The following DIP2A variants were observed in gnomAD, a reference collection of about 807,000 sequenced individuals.
DIP2A encodes DIP2 acetate--CoA ligase A.
In DIP2A, 85 loss-of-function variants were observed where a neutral mutation model predicts 177.4. The observed-to-expected ratio is 0.48, with a 90% CI of 0.40 to 0.57. The LOEUF is 0.57. Among genes scored for constraint, DIP2A ranks in the 20% least tolerant of loss-of-function variants. The pLI is 0.00. For synonymous variants in DIP2A, 886 were observed against 881.8 expected, an observed-to-expected ratio of 1.00 and a Z score of -0.08; for missense variants, 1,791 against 2,100.2, an observed-to-expected ratio of 0.85 and a Z score of 2.88.
chr21:46,538,926 T>A, intron 16 of DIP2A: 1 of 257,190 alleles, frequency 3.9e-6, no homozygotes, highest in Non-Finnish European at 7.5e-6. Flanking sequence ...ATCCCCACCC[T>A]CCTGCCCTTT....
In DIP2A at chr21:46,547,595, T is replaced by A. The variant is rs571641232; in HGVS notation, c.2522+553T>A. ...AGCTCCTTGTCTGGGAGGAAGCTCT[T>A]CCCCTAACTGGTCCACTCAACCAGC... is the stretch of plus-strand genomic sequence containing the variant. On this transcript the variant is annotated intron_variant, in intron 21 of 37. Transcript: ENST00000417564. Among the ~76,000 whole-genome samples the A allele has an allele frequency of 4.4e-4, 66 of 151,288 alleles. No homozygotes were observed. The East Asian group carries it at 0.012, about 28-fold the overall frequency.
At position 46,545,956 on chromosome 21, in the gene DIP2A, G is replaced by A. The variant is rs778443773; in HGVS notation, c.2389G>A (p.Gly797Arg). Residue 797 changes from glycine (G) to arginine (R), a missense_variant, in exon 20 of 38, where the codon GGG becomes AGG. Transcript: ENST00000417564. ...FTRTGLLGFIGPDNLVFIVGK... is the reference protein window; with the variant it reads ...FTRTGLLGFIRPDNLVFIVGK... Reference sequence around the variant, plus strand: ...CAGGACAGGCCTGCTGGGCTTCATCGGGCCTGTGAGTATGTCCTCCTGTAC... The same window carrying A: ...CAGGACAGGCCTGCTGGGCTTCATCAGGCCTGTGAGTATGTCCTCCTGTAC... 4 of 1,613,818 alleles carry A rather than the reference G, an allele frequency of 2.5e-6. No individual in the cohort carries two copies. The African/African-American group carries it at 4.0e-5, about 16-fold the overall frequency.
At chr21:46,514,614 ATTC>A (rs1448335768) in intron 8 of DIP2A, among the ~76,000 whole-genome samples, 1 of 43,144 alleles carries the variant, frequency 2.3e-5, no homozygotes, top group African/African-American at 9.0e-5. Flanking sequence ...TTAAACTTTT[ATTC>A]TTTTTTTTTT....
intron 9 of DIP2A, 93 bp from the exon 10 acceptor site, chr21:46,532,034 C>A: frequency 8.5e-7 from 1 of 1,180,164 alleles, no homozygotes; most frequent in Non-Finnish European, 1.2e-6. Flanking sequence ...ATATTTGGGG[C>A]TTACAAAAAT....
chr21:46,541,104 A>T (rs982436817), intron 17 of DIP2A, among the ~76,000 whole-genome samples: 3 of 151,280 alleles, frequency 2.0e-5, no homozygotes, highest in African/African-American at 7.3e-5. Flanking sequence ...ATTATTCTTC[A>T]TTCTTTTGTT....
intron 23 of DIP2A, 102 bp downstream of exon 23, chr21:46,550,846 C>G: frequency 8.2e-7 from 1 of 1,214,194 alleles, no homozygotes; most frequent in South Asian, 1.4e-5. Flanking sequence ...GCCAACTGCC[C>G]ACGTCTTTGG....
chr21:46,495,598 C>A (rs1308949392), intron 3 of DIP2A, among the ~76,000 whole-genome samples: 6 of 151,700 alleles, frequency 4.0e-5, no homozygotes, highest in African/African-American at 1.5e-4. Flanking sequence ...TCCTTCCTTC[C>A]CTTTCTTTCC....
At chr21:46,545,374 A>G in intron 19 of DIP2A, 101 bp downstream of exon 19, 1 of 1,396,648 alleles carries the variant, frequency 7.2e-7, no homozygotes. Flanking sequence ...GGCTGCGGGG[A>G]TGGTCTCCTT....
At position 46,506,125 on chromosome 21, in the gene DIP2A, C is replaced by CTT. The variant is rs113867102; in HGVS notation, c.784+1644_784+1645dup. On this transcript the variant is annotated intron_variant, in intron 6 of 37. Coordinates refer to ENST00000417564, the MANE Select transcript of DIP2A (RefSeq NM_015151.4). ...GAATTATATTGTAGGTGTATTTCAC[C>CTT]TTTTTTTTTGGAGACTGAGTCTCAC... Among the ~76,000 whole-genome samples the CTT allele has an allele frequency of 6.0e-3, 910 of 151,134 alleles. 10 individuals are homozygous for CTT. Among genetic ancestry groups the CTT allele is most frequent in the African/African-American group, 0.021 (874 of 41,266 alleles).
At chr21:46,479,349 A>G (rs1474599006) in intron 1 of DIP2A, among the ~76,000 whole-genome samples, 1 of 152,164 alleles carries the variant, frequency 6.6e-6, no homozygotes, top group Non-Finnish European at 1.5e-5. Flanking sequence ...CCATAAATGG[A>G]GTTCCTATGT....
At position 46,463,846 on chromosome 21, in the gene DIP2A, T is replaced by C. The variant is rs1319446317; in HGVS notation, c.91+4624T>C. Among the ~76,000 whole-genome samples, 5 of 151,714 alleles carry C rather than the reference T, an allele frequency of 3.3e-5. No homozygotes were observed. The South Asian group carries it at 8.3e-4, about 25-fold the overall frequency. ...GTCTTAGCCTCCTGAGTAGCTGGGATTACAGGCACACGCCATCACGCCTGG... is the reference window on the plus strand; with the variant it reads ...GTCTTAGCCTCCTGAGTAGCTGGGACTACAGGCACACGCCATCACGCCTGG... On this transcript the variant is annotated intron_variant, in intron 1 of 37. Coordinates refer to ENST00000417564, the MANE Select transcript of DIP2A (RefSeq NM_015151.4).
chr21:46,473,470 G>A (rs982111955), intron 1 of DIP2A, among the ~76,000 whole-genome samples: 11 of 148,162 alleles, frequency 7.4e-5, no homozygotes, highest in Non-Finnish European at 1.0e-4. Context: ...AAAAAAAAGG[G>A]GGGGGGGCCA....
Position 46,557,157 on chromosome 21 carries a change from T to G in DIP2A, c.3629+88T>G. Reference sequence around the variant, plus strand: ...GGCCTTCTAAGGCACCTTTTCTGGGTGCTCAGGAAGCCGATGAGATGTGTG... The same window carrying G: ...GGCCTTCTAAGGCACCTTTTCTGGGGGCTCAGGAAGCCGATGAGATGTGTG... On this transcript the variant is annotated intron_variant, in intron 30 of 37. Coordinates refer to ENST00000417564, the MANE Select transcript of DIP2A (RefSeq NM_015151.4). The surrounding 1 kb of genome is among the most constrained non-coding windows in gnomAD (Gnocchi z 6.0). 1 of 1,440,234 alleles carries G rather than the reference T, an allele frequency of 6.9e-7. No individual in the cohort carries two copies. Among genetic ancestry groups the G allele is most frequent in the South Asian group, 1.3e-5 (1 of 74,268 alleles). The allele number at this position is 1,440,234 out of a possible 1,614,324, so 89.2% of individuals were successfully genotyped here.
intron 7 of DIP2A, among the ~76,000 whole-genome samples, chr21:46,510,419 C>T (rs1349677225): frequency 6.6e-6 from 1 of 152,126 alleles, no homozygotes; most frequent in Admixed American, 6.6e-5. Context: ...ACTTTGCATC[C>T]TTCAATCCCA....
At chr21:46,459,712 C>T (rs900983980) in intron 1 of DIP2A, among the ~76,000 whole-genome samples, 2 of 150,044 alleles carry the variant, frequency 1.3e-5, no homozygotes, top group Non-Finnish European at 2.9e-5. Flanking sequence ...AAGGACCCCT[C>T]CCCCATACAA....
chr21:46,545,857 C>A (rs754182459), intron 19 of DIP2A, 24 bp from the exon 20 acceptor site: 2 of 1,610,972 alleles, frequency 1.2e-6, no homozygotes, highest in East Asian at 2.2e-5. Context: ...ACAGCCTGAT[C>A]GTGCCCCTCT....
chr21:46,490,569 C>T lies in DIP2A; in HGVS notation c.164-31C>T, dbSNP rs903914477. 9 of 1,539,268 alleles carry T rather than the reference C, an allele frequency of 5.8e-6. No homozygotes were observed. The African/African-American group carries it at 9.7e-5, about 17-fold the overall frequency. On this transcript the variant is annotated intron_variant, in intron 2 of 37. Transcript: ENST00000417564. ...CATAATTGGAAAAGCAAATTGTTCA[C>T]ATAAGGTATTCCCATAAAATTGTGT...
chr21:46,511,616 C>A lies in DIP2A; in HGVS notation c.1102+2C>A. On this transcript the variant is annotated splice_donor_variant, in intron 8 of 37. Transcript: ENST00000417564. LOFTEE classifies it high-confidence loss of function. ...AAGCCGTCTACACTCTCACCTATGG[C>A]AAGTGTTAACAGAAAGCAGTTGTGC... 1 of 1,525,108 alleles carries A rather than the reference C, an allele frequency of 6.6e-7. No homozygotes were observed. The highest frequency in any genetic ancestry group is 8.8e-7 in the Non-Finnish European group (1 of 1,139,352). The allele number at this position is 1,525,108 out of a possible 1,614,324, so 94.5% of individuals were successfully genotyped here.
intron 34 of DIP2A, among the ~76,000 whole-genome samples, chr21:46,562,814 C>T (rs931680215): frequency 1.1e-4 from 16 of 152,288 alleles, no homozygotes; most frequent in African/African-American, 3.8e-4. Context: ...GACAGCACAT[C>T]TGTGGGAGCC....
Sources: allele counts gnomAD v4.1 joint callset (sites outside exome capture counted in the v4.1 genomes callset), GRCh38; gene constraint gnomAD v4.1.1; non-coding constraint Gnocchi (gnomAD v3.1); transcripts MANE v1.5; gene names NCBI Gene and HGNC (gene_info 2026-07-23, HGNC 2026-07-21).